RABGAP1: variants seen among roughly 807,000 people sequenced by gnomAD.
The protein encoded by RABGAP1 is rab GTPase-activating protein 1.
In RABGAP1, 23 loss-of-function variants were observed where a neutral mutation model predicts 137.6. The observed-to-expected ratio is 0.17, with a 90% CI of 0.12 to 0.24. The LOEUF (loss-of-function observed/expected upper bound fraction) is 0.24, where lower values mean the gene tolerates loss of function less well. RABGAP1 is among the 10% of genes least tolerant of loss of function. RABGAP1 has a pLI of 1.00. For synonymous variants in RABGAP1, 451 were observed against 450.7 expected (o/e 1.00, Z -0.01); for missense variants, 906 against 1,275.8 (o/e 0.71, Z 4.42).
At chr9:122,953,405 CTTT>C (rs775177739) in intron 1 of RABGAP1, among the ~76,000 whole-genome samples, 3 of 143,222 alleles carry the variant, frequency 2.1e-5, no homozygotes, top group Non-Finnish European at 1.5e-5. Context: ...GAACCAGTAT[CTTT>C]TTTTTTTTTT....
At chr9:122,965,458 A>T (rs1588179439) in intron 2 of RABGAP1, among the ~76,000 whole-genome samples, 1 of 152,110 alleles carries the variant, frequency 6.6e-6, no homozygotes, top group Admixed American at 6.5e-5. Flanking sequence ...ATCTCAACCC[A>T]CTTCAACCTC....
chr9:123,015,735 C>T (rs750697314), intron 12 of RABGAP1, 99 bp downstream of exon 12: 57 of 704,726 alleles, frequency 8.1e-5, no homozygotes, highest in Non-Finnish European at 1.3e-4. Context: ...GTAGTAGAAA[C>T]CTAAGCGCAA....
chr9:123,080,210 G>C (rs2034663816), intron 19 of RABGAP1, among the ~76,000 whole-genome samples: 1 of 152,110 alleles, frequency 6.6e-6, no homozygotes, highest in Non-Finnish European at 1.5e-5. Context: ...TGCCTTCAAT[G>C]AGTTAAGTCT....
intron 25 of RABGAP1, among the ~76,000 whole-genome samples, chr9:123,102,587 A>AGG (rs2035375331): frequency 6.6e-6 from 1 of 152,130 alleles, no homozygotes; most frequent in Admixed American, 6.5e-5. Flanking sequence ...CAGGAGAGAG[A>AGG]GAACAGTGGC....
chr9:122,958,102 C>T (rs12376909), intron 2 of RABGAP1, among the ~76,000 whole-genome samples: 10,137 of 152,214 alleles, frequency 0.067, 401 homozygotes, highest in African/African-American at 0.083. Context: ...TGCTTCCCCC[C>T]ACCCCCATTT....
intron 2 of RABGAP1, among the ~76,000 whole-genome samples, chr9:122,978,393 C>T (rs540845866): frequency 6.6e-6 from 1 of 152,170 alleles, no homozygotes; most frequent in African/African-American, 2.4e-5. Flanking sequence ...TTTTATAGAT[C>T]TATAAGAATC....
intron 1 of RABGAP1, chr9:122,945,303 C>T (rs1382221148): frequency 6.6e-6 from 1 of 152,000 alleles, no homozygotes; most frequent in Non-Finnish European, 1.5e-5. Context: ...CACGTTGACC[C>T]TAACAGCCTT....
chr9:123,053,690 G>A (rs2033581941), intron 13 of RABGAP1, among the ~76,000 whole-genome samples: 2 of 152,122 alleles, frequency 1.3e-5, no homozygotes, highest in Non-Finnish European at 2.9e-5. Context: ...TTACATGATG[G>A]CATTTAATAA....
At chr9:123,049,920 G>C (rs1226995508) in intron 13 of RABGAP1, among the ~76,000 whole-genome samples, 1 of 152,190 alleles carries the variant, frequency 6.6e-6, no homozygotes, top group African/African-American at 2.4e-5. Context: ...TTTATAGATA[G>C]GTTTGTTAAG....
intron 21 of RABGAP1, among the ~76,000 whole-genome samples, chr9:123,091,360 G>A (rs1286958957): frequency 1.3e-5 from 2 of 152,152 alleles, no homozygotes; most frequent in East Asian, 3.9e-4. Context: ...AAAATTTTGT[G>A]TACTCATGCA....
chr9:123,027,404 G>C (rs548450262), intron 13 of RABGAP1, among the ~76,000 whole-genome samples: 3 of 152,124 alleles, frequency 2.0e-5, no homozygotes, highest in Non-Finnish European at 4.4e-5. Flanking sequence ...GTGAGCCACC[G>C]TGCCCTGCCA....
the RABGAP1 span, among the ~76,000 whole-genome samples, chr9:122,934,188 C>CT: frequency 1.3e-5 from 2 of 151,842 alleles, no homozygotes; most frequent in African/African-American, 4.8e-5. Flanking sequence ...CGCCATTCTC[C>CT]TGCCTCAGCC....
intron 8 of RABGAP1, 28 bp downstream of exon 8, chr9:122,996,633 A>C: frequency 6.5e-7 from 1 of 1,528,240 alleles, no homozygotes; most frequent in Non-Finnish European, 9.0e-7. Flanking sequence ...TTAGAAAGTT[A>C]CATACTATTT....
chr9:123,064,211 G>T (rs1170197951), intron 13 of RABGAP1, among the ~76,000 whole-genome samples: 3 of 152,136 alleles, frequency 2.0e-5, no homozygotes, highest in Non-Finnish European at 4.4e-5. Flanking sequence ...ATCTCCCTTG[G>T]ATTTTTTCCT....
rs773212808 is a variant in RABGAP1, at chr9:122,998,618, C to T, written c.1226C>T (p.Thr409Ile). ...TPKDKVLFMT[T>I]AVDLVITEVQ... ...TTAGATAAAGTCCTGTTTATGACCA[C>T]AGCTGTAGATTTGGTAATAACAGAA... The change falls in exon 10 of 26, where the codon ACA becomes ATA. Residue 409 changes from threonine to isoleucine, a missense_variant. Thr to Ile is a moderately conservative substitution (Grantham distance 89, BLOSUM62 -1). This residue lies in a region of RABGAP1 where 212 missense variants were observed against 289.4 expected (regional missense o/e 0.73). Coordinates refer to ENST00000373647, the MANE Select transcript of RABGAP1 (RefSeq NM_012197.4). 1 of 1,605,500 alleles carries T rather than the reference C, an allele frequency of 6.2e-7. No individual in the cohort carries two copies. The highest frequency in any genetic ancestry group is 1.1e-5 in the South Asian group (1 of 89,894).
intron 13 of RABGAP1, among the ~76,000 whole-genome samples, chr9:123,022,522 G>A (rs1356516208): frequency 1.3e-5 from 2 of 151,340 alleles, no homozygotes; most frequent in African/African-American, 2.4e-5. Flanking sequence ...TTCTCCTGCC[G>A]CAGCCCCCTG....
In RABGAP1 at chr9:123,015,575, G is replaced by T; in HGVS notation, c.1582G>T (p.Asp528Tyr). Reference sequence around the variant, plus strand: ...TGAACCTCTCCTGAGTGGATCTGGTGATGTATCCAAAGAATGTGCAGAAAA... The same window carrying T: ...TGAACCTCTCCTGAGTGGATCTGGTTATGTATCCAAAGAATGTGCAGAAAA... ...NDEPLLSGSG[D>Y]VSKECAEKIL... The change falls in exon 12 of 26, where the codon GAT becomes TAT. Residue 528 changes from aspartate to tyrosine, a missense_variant. Asp to Tyr is a radical substitution (Grantham distance 160). This residue lies in a region of RABGAP1 where 212 missense variants were observed against 289.4 expected (regional missense o/e 0.73). Transcript: ENST00000373647. 1 of 1,612,496 alleles carries T rather than the reference G, an allele frequency of 6.2e-7. No individual in the cohort carries two copies. Among genetic ancestry groups the T allele is most frequent in the Non-Finnish European group, 8.5e-7 (1 of 1,178,860 alleles).
intron 2 of RABGAP1, among the ~76,000 whole-genome samples, chr9:122,973,484 C>T (rs4836911): frequency 0.064 from 9,740 of 151,986 alleles, 1,223 homozygotes; most frequent in East Asian, 0.53. Context: ...CCACCCGCCT[C>T]GGCCTCCCAA....
intron 10 of RABGAP1, among the ~76,000 whole-genome samples, chr9:123,003,536 G>A (rs1330362558): frequency 6.6e-6 from 1 of 152,176 alleles, no homozygotes; most frequent in Non-Finnish European, 1.5e-5. Context: ...ACAACATACA[G>A]CATTTCTGTT....
Sources: allele counts gnomAD v4.1 joint callset (sites outside exome capture counted in the v4.1 genomes callset), GRCh38; gene constraint gnomAD v4.1.1; regional missense constraint gnomAD v4.1.1; transcripts MANE v1.5; gene names NCBI Gene and HGNC (gene_info 2026-07-23, HGNC 2026-07-21).